The following TSNAXIP1 variants were observed in gnomAD, a reference collection of about 807,000 sequenced individuals.
TSNAXIP1 encodes translin associated factor X interacting protein 1.
A neutral mutation model predicts 84.8 loss-of-function variants in TSNAXIP1; 89 were observed. That is an observed-to-expected ratio of 1.05 (90% CI 0.88 to 1.25). The LOEUF (loss-of-function observed/expected upper bound fraction) is 1.25. Ranked by LOEUF, TSNAXIP1 falls within the 50% of genes most tolerant of loss-of-function variation. TSNAXIP1 has a pLI of 0.00. For missense variants in TSNAXIP1, 874 were observed against 887.6 expected, an observed-to-expected ratio of 0.98 and a Z score of 0.20; for synonymous variants, 347 against 335.2, an observed-to-expected ratio of 1.04 and a Z score of -0.39.
intron 1 of TSNAXIP1, among the ~76,000 whole-genome samples, chr16:67,813,005 C>G (rs1443355323): frequency 6.6e-6 from 1 of 151,962 alleles, no homozygotes; most frequent in East Asian, 2.0e-4. Context: ...ACTGCAACCT[C>G]CGCCTCCCAG....
Position 67,806,896 on chromosome 16 carries a change from T to A in TSNAXIP1, c.-254T>A, listed in dbSNP as rs1391171757. ...TCCCCATGGCCTCTGTTCATCCCCC[T>A]GCCTCAGTTCTGGTACCTGGGGTCA... On this transcript the variant is annotated 5_prime_UTR_variant, in exon 1 of 16. Transcript: ENST00000561639. 9.8e-6 allele frequency: 6 copies of A among 610,648 alleles called. No homozygotes were observed. The highest frequency in any genetic ancestry group is 9.3e-5 in the African/African-American group (5 of 53,934). The allele number at this position is 610,648 out of a possible 1,614,324, so 37.8% of individuals were successfully genotyped here. A position where few individuals can be genotyped will look rare whatever the true frequency, so the allele number is the denominator to read the frequency against.
chr16:67,816,802 C>G (rs964988448), intron 2 of TSNAXIP1, among the ~76,000 whole-genome samples: 20 of 152,122 alleles, frequency 1.3e-4, no homozygotes, highest in African/African-American at 4.6e-4. Flanking sequence ...TCCAGCCACC[C>G]GGGCGGAGAT....
intron 2 of TSNAXIP1, among the ~76,000 whole-genome samples, chr16:67,817,620 G>A (rs1475406175): frequency 3.3e-4 from 49 of 147,514 alleles, no homozygotes; most frequent in Non-Finnish European, 4.6e-4. Flanking sequence ...GGCCGGGCGC[G>A]GTGGCTCACG....
At chr16:67,825,874 G>A (rs1427015533) in intron 8 of TSNAXIP1, 38 bp downstream of exon 8, 3 of 1,613,858 alleles carry the variant, frequency 1.9e-6, no homozygotes, top group Admixed American at 1.7e-5. Flanking sequence ...GGTAGGACGG[G>A]GTCTCACAGG....
rs1293845498 is a variant in TSNAXIP1, at chr16:67,826,695, G to C, written c.1405G>C (p.Glu469Gln). 1.9e-6 allele frequency: 3 copies of C among 1,613,452 alleles called. No homozygotes were observed. Among genetic ancestry groups the C allele is most frequent in the Non-Finnish European group, 2.5e-6 (3 of 1,179,758 alleles). ...WKERLAEEQKETFPDFFFNFL... is the reference protein window; with the variant it reads ...WKERLAEEQKQTFPDFFFNFL... ...GAGCATTTCCTCGATCCCGCAGAAA[G>C]AGACGTTCCCAGATTTCTTCTTCAA... The change falls in exon 12 of 16, where the codon GAG becomes CAG. Residue 469 changes from glutamate (E) to glutamine (Q), a missense_variant. By Grantham distance (29) the Glu-to-Gln change is conservative (BLOSUM62 2). Coordinates refer to ENST00000561639, the MANE Select transcript of TSNAXIP1 (RefSeq NM_001288990.3).
At chr16:67,807,616 C>T (rs2055572147) in intron 1 of TSNAXIP1, 3 of 283,516 alleles carry the variant, frequency 1.1e-5, no homozygotes, top group South Asian at 3.0e-5. Flanking sequence ...AGGCATGCGC[C>T]ACTACGCTTG....
chr16:67,827,919 C>T lies in TSNAXIP1; in HGVS notation c.2065C>T (p.Gln689Ter). Residue 689 changes from glutamine (Q) to a stop codon, truncating the protein, a stop_gained, in exon 16 of 16, where the codon CAG (glutamine) becomes TAG (stop). Transcript: ENST00000561639. LOFTEE classifies it low-confidence loss of function (END_TRUNC). ...EKEEAVVEILQTALERLQVID... is the reference protein window; with the variant it reads ...EKEEAVVEIL Reference sequence around the variant, plus strand: ...GGAAGAAGCCGTGGTGGAAATCCTCCAGACTGCCCTGGAGCGGCTTCAGGT... The same window carrying T: ...GGAAGAAGCCGTGGTGGAAATCCTCTAGACTGCCCTGGAGCGGCTTCAGGT... 3.1e-6 allele frequency: 5 copies of T among 1,613,972 alleles called. No individual in the cohort carries two copies. The highest frequency in any genetic ancestry group is 4.2e-6 in the Non-Finnish European group (5 of 1,180,032).
chr16:67,825,867 A>G lies in TSNAXIP1; in HGVS notation c.984+31A>G, dbSNP rs761363890. ...GGCAGGCAGGCAGGGCCAGGAGGGT[A>G]GGACGGGGTCTCACAGGTGGGGGGC... On this transcript the variant is annotated intron_variant, in intron 8 of 15. Transcript: ENST00000561639. 6.2e-6 allele frequency: 10 copies of G among 1,614,024 alleles called. No homozygotes were observed. In the South Asian group the frequency reaches 1.1e-4, roughly 18 times the overall value.
chr16:67,817,315 A>ATT (rs561026786), intron 2 of TSNAXIP1, among the ~76,000 whole-genome samples: 31 of 128,868 alleles, frequency 2.4e-4, no homozygotes, highest in Middle Eastern at 4.3e-3. Context: ...GCGCCCGGCT[A>ATT]TTTTTTTTTT....
chr16:67,826,384 T>G (rs1956762850), intron 10 of TSNAXIP1, 53 bp from the exon 11 acceptor site: 1 of 1,609,018 alleles, frequency 6.2e-7, no homozygotes, highest in Admixed American at 1.7e-5. Context: ...CTTCCCTGAT[T>G]GGGGGTGGGG....
At position 67,824,497 on chromosome 16, in the gene TSNAXIP1, T is replaced by C. The variant is rs1306075656; in HGVS notation, c.482-86T>C. 13 of 1,328,382 alleles carry C rather than the reference T, an allele frequency of 9.8e-6. No homozygotes were observed. The East Asian group carries it at 1.4e-4, about 14-fold the overall frequency. 82.3% of individuals were successfully genotyped at this position (1,328,382 alleles called of 1,614,324 possible). On this transcript the variant is annotated intron_variant, in intron 5 of 15. Coordinates refer to ENST00000561639, the MANE Select transcript of TSNAXIP1 (RefSeq NM_001288990.3). ...AGATTCTTGGGGTTTGCAAGCGACATAGCCACTCACCCATGACCTTAGGGT... is the reference window on the plus strand; with the variant it reads ...AGATTCTTGGGGTTTGCAAGCGACACAGCCACTCACCCATGACCTTAGGGT...
At position 67,827,658 on chromosome 16, in the gene TSNAXIP1, A is replaced by G. The variant is rs1027246641; in HGVS notation, c.1898+79A>G. On this transcript the variant is annotated intron_variant, in intron 15 of 15. Transcript: ENST00000561639. ...TGGGTCTCCCTGTGCACCATGCACC[A>G]TCCACTGCTCAGCCCAGCACAGAGG... The G allele has an allele frequency of 1.9e-6, 3 of 1,610,816 alleles. No homozygotes were observed. The African/African-American group carries it at 4.0e-5, about 22-fold the overall frequency.
chr16:67,807,420 C>G lies in TSNAXIP1; in HGVS notation c.47+224C>G. 4 of 1,500,768 alleles carry G rather than the reference C, an allele frequency of 2.7e-6. No individual in the cohort carries two copies. The South Asian group carries it at 4.8e-5, about 18-fold the overall frequency. 93.0% of individuals were successfully genotyped at this position (1,500,768 alleles called of 1,614,324 possible). On this transcript the variant is annotated intron_variant, in intron 1 of 15. Transcript: ENST00000561639. Reference sequence around the variant, plus strand: ...CTTTATCATTACTAGTAACAACCAGCTTGTATTGAATGTACTATATGCCAA... The same window carrying G: ...CTTTATCATTACTAGTAACAACCAGGTTGTATTGAATGTACTATATGCCAA...
chr16:67,827,055 A>C lies in TSNAXIP1; in HGVS notation c.1647A>C (p.Leu549=). The C allele has an allele frequency of 6.2e-7, 1 of 1,614,070 alleles. No homozygotes were observed. The highest frequency in any genetic ancestry group is 8.5e-7 in the Non-Finnish European group (1 of 1,180,004). ...CTGACAGTCAGAACGAGGGGCTACTAACCATGGAGCAGTTCAAGTGAGAGG... is the reference window on the plus strand; with the variant it reads ...CTGACAGTCAGAACGAGGGGCTACTCACCATGGAGCAGTTCAAGTGAGAGG... ...TNADSQNEGL[L]TMEQFNTVLK... is the part of the protein sequence containing the mutation. The change falls in exon 13 of 16, where the codon CTA becomes CTC. Residue 549 remains leucine (L), a synonymous_variant. Transcript: ENST00000561639.
intron 7 of TSNAXIP1, 35 bp from the exon 8 acceptor site, chr16:67,825,632 G>T: frequency 6.3e-7 from 1 of 1,585,866 alleles, no homozygotes; most frequent in East Asian, 2.2e-5. Flanking sequence ...AGAAAGCCAC[G>T]GTGACACGGG....
At chr16:67,807,557 C>G in intron 1 of TSNAXIP1, 1 of 425,318 alleles carries the variant, frequency 2.4e-6, no homozygotes, top group Non-Finnish European at 4.1e-6. Flanking sequence ...CTCGACCTCC[C>G]GGGCTCAAGC....
At chr16:67,819,516 C>G in intron 2 of TSNAXIP1, among the ~76,000 whole-genome samples, 1 of 152,114 alleles carries the variant, frequency 6.6e-6, no homozygotes, top group Middle Eastern at 3.4e-3. Flanking sequence ...TGCTAAAAGT[C>G]GCACATCTTG....
Position 67,825,821 on chromosome 16 carries a change from G to A in TSNAXIP1, c.969G>A (p.Lys323=). ...TTGAAATGCAGGAGAAGACCAACAAGGATCTTCAGGAGCAGGTGCTGGCAG... is the reference window on the plus strand; with the variant it reads ...TTGAAATGCAGGAGAAGACCAACAAAGATCTTCAGGAGCAGGTGCTGGCAG... ...RDFEMQEKTN[K]DLQEQLDTLR... Residue 323 remains lysine (K), a synonymous_variant, in exon 8 of 16, where the codon AAG becomes AAA. Coordinates refer to ENST00000561639, the MANE Select transcript of TSNAXIP1 (RefSeq NM_001288990.3). 1 of 1,614,194 alleles carries A rather than the reference G, an allele frequency of 6.2e-7. No homozygotes were observed. The highest frequency in any genetic ancestry group is 2.2e-5 in the East Asian group (1 of 44,876).
At chr16:67,819,498 C>A (rs1272092352) in intron 2 of TSNAXIP1, among the ~76,000 whole-genome samples, 1 of 151,966 alleles carries the variant, frequency 6.6e-6, no homozygotes, top group Non-Finnish European at 1.5e-5. Flanking sequence ...CCCACCTTGG[C>A]CTCAAAGTGC....
Sources: allele counts gnomAD v4.1 joint callset (sites outside exome capture counted in the v4.1 genomes callset), GRCh38; gene constraint gnomAD v4.1.1; transcripts MANE v1.5; gene names NCBI Gene and HGNC (gene_info 2026-07-23, HGNC 2026-07-21).